Variants in STK3 observed in about 807,000 individuals in gnomAD.
STK3 encodes serine/threonine kinase 3, also known as serine/threonine-protein kinase 3.
STK3 carries 41 observed loss-of-function variants against 58.0 expected under a neutral mutation model. That is an observed-to-expected ratio of 0.71 (90% CI 0.55 to 0.92). The LOEUF is 0.92. STK3 is among the 40% of genes least tolerant of loss of function. The pLI, the probability that STK3 is intolerant of heterozygous loss-of-function variation, is 0.00. For synonymous variants in STK3, 170 were observed against 191.0 expected (o/e 0.89, Z 0.91); for missense variants, 479 against 602.7 (o/e 0.79, Z 2.15).
intron 10 of STK3, among the ~76,000 whole-genome samples, chr8:98,495,940 T>C (rs546369739): frequency 6.6e-5 from 10 of 152,298 alleles, no homozygotes; most frequent in South Asian, 2.1e-4. Context: ...GTCCAGAACT[T>C]TGTAAAAACT....
chr8:98,596,164 A>G lies in STK3; in HGVS notation c.690T>C (p.Ile230=). 1.9e-6 allele frequency: 3 copies of G among 1,611,890 alleles called. No homozygotes were observed. Among genetic ancestry groups the G allele is most frequent in the Middle Eastern group, 1.7e-4 (1 of 6,060 alleles). The change falls in exon 7 of 11, where the codon ATT becomes ATC. Residue 230 remains isoleucine (I), a synonymous_variant. Coordinates refer to ENST00000419617, the MANE Select transcript of STK3 (RefSeq NM_006281.4). The part of the protein sequence containing the change: ...PYADIHPMRA[I]FMIPTNPPPT... ...GTGGTGGATTTGTGGGAATCATAAA[A>G]ATAGCCTAGTACAAATGAAATATCC...
intron 10 of STK3, among the ~76,000 whole-genome samples, chr8:98,459,405 C>T (rs924244956): frequency 6.6e-6 from 1 of 152,156 alleles, no homozygotes; most frequent in Non-Finnish European, 1.5e-5. Flanking sequence ...GAAATTGGAA[C>T]TTATGTTTAA....
rs1442588023 is a variant in STK3 at position 98,936,107 on chromosome 8, A to T, written c.-79+6271T>A. Among the ~76,000 whole-genome samples the T allele has an allele frequency of 2.6e-5, 4 of 151,938 alleles. No individual in the cohort carries two copies. In the South Asian group the frequency reaches 6.2e-4, roughly 24 times the overall value. On this transcript the variant is annotated intron_variant, in intron 1 of 1. Coordinates refer to the STK3 transcript ENST00000519420. ...TTTTGTTTTTGCATTTTCAGTAGAG[A>T]CAGGGTTTCACTGTGTTAGCCAGGA...
At chr8:98,578,310 GA>G (rs1168744794) in intron 8 of STK3, among the ~76,000 whole-genome samples, 1 of 151,954 alleles carries the variant, frequency 6.6e-6, no homozygotes, top group African/African-American at 2.4e-5. Flanking sequence ...TGACAAACCT[GA>G]AAAAAATACC....
downstream of STK3, chr8:98,879,787 C>CATA (rs1837725519): frequency 6.6e-6 from 1 of 152,120 alleles, no homozygotes; most frequent in Non-Finnish European, 1.5e-5. Flanking sequence ...GGAAGTACCA[C>CATA]ATAATATTAC....
chr8:98,719,215 C>A (rs1433732859), intron 4 of STK3, among the ~76,000 whole-genome samples: 1 of 152,134 alleles, frequency 6.6e-6, no homozygotes, highest in Non-Finnish European at 1.5e-5. Flanking sequence ...TCATCCTCCA[C>A]TCTTTGTATA....
chr8:98,871,625 A>G (rs1381563209), intron 3 of STK3, among the ~76,000 whole-genome samples: 1 of 142,908 alleles, frequency 7.0e-6, no homozygotes. Flanking sequence ...GAGTTCACTC[A>G]TGATTTGGCT....
At chr8:98,720,696 A>C (rs1827339174) in intron 4 of STK3, among the ~76,000 whole-genome samples, 1 of 148,874 alleles carries the variant, frequency 6.7e-6, no homozygotes, top group Non-Finnish European at 1.5e-5. Context: ...GCTTGTAGTG[A>C]GCATAGATCA....
intron 3 of STK3, among the ~76,000 whole-genome samples, chr8:98,863,092 C>T (rs1215980521): frequency 3.9e-5 from 6 of 152,064 alleles, no homozygotes; most frequent in African/African-American, 7.2e-5. Context: ...GAGACATGGT[C>T]GATTTCAGGA....
At chr8:98,456,634 TCTTA>T (rs1819510364) in intron 10 of STK3, among the ~76,000 whole-genome samples, 1 of 152,206 alleles carries the variant, frequency 6.6e-6, no homozygotes, top group Admixed American at 6.5e-5. Flanking sequence ...TTCTTCTTCT[TCTTA>T]TTTTTTTTGA....
intron 6 of STK3, among the ~76,000 whole-genome samples, chr8:98,630,322 T>TA (rs1401769864): frequency 6.6e-6 from 1 of 152,048 alleles, no homozygotes; most frequent in Non-Finnish European, 1.5e-5. Context: ...AGCACGTACT[T>TA]AGAGAATAAA....
At chr8:98,672,477 C>T (rs72666676) in intron 6 of STK3, among the ~76,000 whole-genome samples, 4,817 of 152,228 alleles carry the variant, frequency 0.032, 99 homozygotes, top group South Asian at 0.061. Flanking sequence ...AATTATGACT[C>T]AAAAATTTGT....
At chr8:98,563,996 T>C (rs1812270276) in intron 8 of STK3, among the ~76,000 whole-genome samples, 1 of 151,984 alleles carries the variant, frequency 6.6e-6, no homozygotes, top group Non-Finnish European at 1.5e-5. Flanking sequence ...AAGAGTACAG[T>C]ATGAAAAGAA....
At chr8:98,875,068 T>C (rs1837520448) in intron 3 of STK3, among the ~76,000 whole-genome samples, 1 of 152,186 alleles carries the variant, frequency 6.6e-6, no homozygotes, top group South Asian at 2.1e-4. Flanking sequence ...AATAAATAAT[T>C]AGAAGGCTTT....
chr8:98,438,854 C>T (rs959298960), intron 1 of STK3: 1 of 152,196 alleles, frequency 6.6e-6, no homozygotes. Flanking sequence ...ATCTCTGTGT[C>T]CACGTGTCTG....
intron 3 of STK3, among the ~76,000 whole-genome samples, chr8:98,839,869 TA>T (rs1010177668): frequency 3.3e-5 from 5 of 151,846 alleles, no homozygotes; most frequent in Middle Eastern, 3.4e-3. Flanking sequence ...AACTCAAAAG[TA>T]AAAAAAATAG....
chr8:98,694,118 A>T (rs1477920108), intron 6 of STK3, among the ~76,000 whole-genome samples: 3 of 152,298 alleles, frequency 2.0e-5, no homozygotes, highest in East Asian at 3.9e-4. Context: ...TGCCTATACT[A>T]AAGCATTTGT....
At chr8:98,468,805 GA>G (rs1820681697) in intron 10 of STK3, among the ~76,000 whole-genome samples, 1 of 152,154 alleles carries the variant, frequency 6.6e-6, no homozygotes, top group Admixed American at 6.5e-5. Context: ...CTAATATGCA[GA>G]AATCACAGAA....
intron 7 of STK3, among the ~76,000 whole-genome samples, chr8:98,589,408 C>T (rs1298388465): frequency 2.0e-5 from 3 of 152,206 alleles, no homozygotes; most frequent in South Asian, 2.1e-4. Context: ...GTTAGGCTGC[C>T]CGGGGGTCAG....
Sources: allele counts gnomAD v4.1 joint callset (sites outside exome capture counted in the v4.1 genomes callset), GRCh38; gene constraint gnomAD v4.1.1; transcripts MANE v1.5; gene names NCBI Gene and HGNC (gene_info 2026-07-23, HGNC 2026-07-21).